Variants in TMEM245 observed in about 807,000 individuals in gnomAD.
TMEM245 encodes the protein protein CG-2.
TMEM245 carries 69 observed loss-of-function variants against 101.2 expected under a neutral mutation model. That is an observed-to-expected ratio of 0.68 (90% CI 0.56 to 0.83). TMEM245 has a LOEUF of 0.83. Among genes scored for constraint, TMEM245 ranks in the 40% least tolerant of loss-of-function variants. The pLI, the probability that TMEM245 is intolerant of heterozygous loss-of-function variation, is 0.00. For synonymous variants in TMEM245, 537 were observed against 449.8 expected (o/e 1.19, Z -2.45); for missense variants, 1,075 against 1,092.8 (o/e 0.98, Z 0.23).
chr9:109,044,134 G>A (rs1828401570), intron 14 of TMEM245, among the ~76,000 whole-genome samples: 1 of 152,194 alleles, frequency 6.6e-6, no homozygotes, highest in Non-Finnish European at 1.5e-5. Flanking sequence ...ATCCTAGGAT[G>A]AAACTTACTT....
chr9:109,098,859 T>C (rs1830209989), intron 3 of TMEM245, among the ~76,000 whole-genome samples: 1 of 152,212 alleles, frequency 6.6e-6, no homozygotes, highest in African/African-American at 2.4e-5. Flanking sequence ...ATTAGCAGCC[T>C]AGCACCAGGG....
chr9:109,045,250 A>G (rs1828450966), intron 14 of TMEM245, among the ~76,000 whole-genome samples: 1 of 152,130 alleles, frequency 6.6e-6, no homozygotes, highest in African/African-American at 2.4e-5. Context: ...TTGAGAGGTC[A>G]CATCTTCCCT....
At chr9:109,104,469 C>T (rs11787878) in intron 3 of TMEM245, among the ~76,000 whole-genome samples, 33,669 of 152,140 alleles carry the variant, frequency 0.22, 4,559 homozygotes, top group Admixed American at 0.3. Flanking sequence ...AATGCTCCCC[C>T]CCGCCCACAA....
intron 8 of TMEM245, among the ~76,000 whole-genome samples, chr9:109,079,550 G>T (rs1483994577): frequency 6.6e-6 from 1 of 152,116 alleles, no homozygotes; most frequent in South Asian, 2.1e-4. Flanking sequence ...GAATGAATTA[G>T]ATAACCAATA....
rs1347213254 is a variant in TMEM245, at chr9:109,016,698, G to T, written c.*3762C>A. ...TTTTTTTGCAGGTTCCCAATAATCG[G>T]TAAGTTAATAAAATGAATATATTTT... On this transcript the variant is annotated 3_prime_UTR_variant, in exon 18 of 18. Transcript: ENST00000374586. 3 of 145,648 alleles carry T rather than the reference G, an allele frequency of 2.1e-5. No homozygotes were observed. Among genetic ancestry groups the T allele is most frequent in the African/African-American group, 7.6e-5 (3 of 39,582 alleles). 9.0% of individuals were successfully genotyped at this position (145,648 alleles called of 1,614,324 possible).
At chr9:109,035,641 A>G (rs1828095175) in intron 16 of TMEM245, among the ~76,000 whole-genome samples, 1 of 152,192 alleles carries the variant, frequency 6.6e-6, no homozygotes, top group African/African-American at 2.4e-5. Flanking sequence ...TTAACTGTTC[A>G]CTGTACTTAA....
chr9:109,119,405 C>T lies in TMEM245; in HGVS notation c.509G>A (p.Gly170Asp). ...AGCGTGCACCAGCAGCACCTGCACG[C>T]CCAAGTAGCTGCCGAGGCAGTAGAG... ...YGLYCLGSYL[G>D]VQVLLVHAAT... Residue 170 changes from glycine (G) to aspartate (D), a missense_variant, in exon 1 of 18, where the codon GGC becomes GAC. This residue lies in a region of TMEM245 where 808 missense variants were observed against 741.5 expected (regional missense o/e 1.09). Coordinates refer to ENST00000374586, the MANE Select transcript of TMEM245 (RefSeq NM_032012.4). 1.3e-6 allele frequency: 2 copies of T among 1,527,552 alleles called. No individual in the cohort carries two copies. Among genetic ancestry groups the T allele is most frequent in the Non-Finnish European group, 1.8e-6 (2 of 1,141,746 alleles). The allele number at this position is 1,527,552 out of a possible 1,614,324, so 94.6% of individuals were successfully genotyped here.
intron 14 of TMEM245, among the ~76,000 whole-genome samples, chr9:109,047,066 G>T (rs548518453): frequency 1.3e-5 from 2 of 152,264 alleles, no homozygotes; most frequent in South Asian, 4.1e-4. Flanking sequence ...GCTTTGGTTA[G>T]AAAAATGTCT....
intron 17 of TMEM245, among the ~76,000 whole-genome samples, chr9:109,028,485 A>G (rs1338759483): frequency 2.0e-5 from 3 of 151,850 alleles, no homozygotes; most frequent in African/African-American, 7.3e-5. Context: ...AAATGCTCCA[A>G]CGAACACTTT....
chr9:109,057,282 T>C lies in TMEM245; in HGVS notation c.1763A>G (p.His588Arg). ...CAGCCAGCTATTCTGACGACTGACA[T>C]GCAACTTCTGTCCTTTGTGCCTTCC... ...HSGRHKGQKLHVSRQNSWLGD... is the reference protein window; with the variant it reads ...HSGRHKGQKLRVSRQNSWLGD... Residue 588 changes from histidine (H) to arginine (R), a missense_variant, in exon 12 of 18, where the codon CAT (histidine) becomes CGT (arginine). By Grantham distance (29) the His-to-Arg change is conservative. Around this residue, in one of 2 missense-constraint regions of TMEM245, gnomAD observed 267 missense variants for 351.3 expected, o/e 0.76. Transcript: ENST00000374586. 2 of 1,614,138 alleles carry C rather than the reference T, an allele frequency of 1.2e-6. No homozygotes were observed. The highest frequency in any genetic ancestry group is 1.7e-6 in the Non-Finnish European group (2 of 1,179,972).
intron 17 of TMEM245, among the ~76,000 whole-genome samples, chr9:109,028,774 A>G (rs1326387021): frequency 2.0e-5 from 3 of 152,182 alleles, no homozygotes; most frequent in Non-Finnish European, 4.4e-5. Flanking sequence ...TCAGCTGCCT[A>G]TGAAGAGAGG....
At chr9:109,043,894 TA>T (rs1408776438) in intron 14 of TMEM245, among the ~76,000 whole-genome samples, 8 of 152,220 alleles carry the variant, frequency 5.3e-5, no homozygotes, top group Non-Finnish European at 1.0e-4. Context: ...CTCTGTGGAA[TA>T]AAAGTTCCAA....
rs1378905391 is a variant in TMEM245 at position 109,015,640 on chromosome 9, T to TG, written c.*4819dup. The TG allele has an allele frequency of 3.3e-5, 5 of 152,774 alleles. No individual in the cohort carries two copies. The highest frequency in any genetic ancestry group is 2.0e-4 in the Admixed American group (3 of 15,300). The allele number at this position is 152,774 out of a possible 1,614,324, so 9.5% of individuals were successfully genotyped here. A position where few individuals can be genotyped will look rare whatever the true frequency, so the allele number is the denominator to read the frequency against. ...GATGTCTAGTAAAGAACTCTGGACT[T>TG]GGAGTCAGAAGTTCTGCAACTAAAT... On this transcript the variant is annotated 3_prime_UTR_variant, in exon 18 of 18. Transcript: ENST00000374586.
chr9:109,102,506 T>C (rs1299057851), intron 3 of TMEM245, among the ~76,000 whole-genome samples: 4 of 152,350 alleles, frequency 2.6e-5, no homozygotes, highest in African/African-American at 9.6e-5. Context: ...AAAATGAAGA[T>C]GTTAAAAATA....
At chr9:109,083,613 A>G (rs939841589) in intron 7 of TMEM245, among the ~76,000 whole-genome samples, 1 of 152,148 alleles carries the variant, frequency 6.6e-6, no homozygotes, top group African/African-American at 2.4e-5. Context: ...AAACTTCTAC[A>G]CTAACTGGCC....
chr9:109,074,002 A>G lies in TMEM245; in HGVS notation c.1450-564T>C, dbSNP rs139139445. Among the ~76,000 whole-genome samples, 115 of 152,140 alleles carry G rather than the reference A, an allele frequency of 7.6e-4. 1 individual carries two copies. Among genetic ancestry groups the G allele is most frequent in the African/African-American group, 2.5e-3 (104 of 41,500 alleles). ...CAGTCTCCTGAGTAGCTGGGATTAC[A>G]GGCACTCACAACCACGCCTGTCTAA... On this transcript the variant is annotated intron_variant, in intron 8 of 17. Coordinates refer to ENST00000374586, the MANE Select transcript of TMEM245 (RefSeq NM_032012.4).
At chr9:109,043,004 A>T (rs1828364424) in intron 14 of TMEM245, among the ~76,000 whole-genome samples, 1 of 151,750 alleles carries the variant, frequency 6.6e-6, no homozygotes, top group Non-Finnish European at 1.5e-5. Flanking sequence ...CACACAACCC[A>T]CTACGTGCCA....
At chr9:109,115,236 A>G (rs1378221311) in intron 1 of TMEM245, among the ~76,000 whole-genome samples, 1 of 152,038 alleles carries the variant, frequency 6.6e-6, no homozygotes, top group African/African-American at 2.4e-5. Flanking sequence ...AATCCCAGCT[A>G]CTTGGGAGGC....
intron 1 of TMEM245, 70 bp from the exon 2 acceptor site, chr9:109,108,640 TGTAA>T (rs1296121636): frequency 1.7e-6 from 2 of 1,148,052 alleles, no homozygotes; most frequent in East Asian, 4.8e-5. Context: ...ATACAAAATC[TGTAA>T]GTGTCTATAC....
Sources: allele counts gnomAD v4.1 joint callset (sites outside exome capture counted in the v4.1 genomes callset), GRCh38; gene constraint gnomAD v4.1.1; regional missense constraint gnomAD v4.1.1; transcripts MANE v1.5; gene names NCBI Gene and HGNC (gene_info 2026-07-23, HGNC 2026-07-21).